Variants in GALNT12 observed in about 807,000 individuals in gnomAD.
GALNT12 encodes polypeptide N-acetylgalactosaminyltransferase 12, also known as UDP-GalNAc:polypeptide N-acetylgalactosaminyltransferase 12.
A neutral mutation model predicts 55.5 loss-of-function variants in GALNT12; 45 were observed. The observed-to-expected ratio is 0.81, with a 90% CI of 0.64 to 1.04. GALNT12 has a LOEUF of 1.04. Ranked by LOEUF, GALNT12 falls within the 50% of genes least tolerant of loss-of-function variation. GALNT12 has a pLI of 0.00. For missense variants in GALNT12, 709 were observed against 754.8 expected (o/e 0.94, Z 0.71); for synonymous variants, 304 against 312.2 (o/e 0.97, Z 0.28).
chr9:98,839,643 A>C (rs957617193), intron 6 of GALNT12, among the ~76,000 whole-genome samples: 1 of 152,146 alleles, frequency 6.6e-6, no homozygotes, highest in African/African-American at 2.4e-5. Context: ...TTTCAGGATG[A>C]CTTCTGATCA....
At chr9:98,808,810 A>G (rs534427002) in intron 1 of GALNT12, among the ~76,000 whole-genome samples, 19 of 152,338 alleles carry the variant, frequency 1.2e-4, no homozygotes, top group African/African-American at 4.6e-4. Flanking sequence ...AGCAGGAGGA[A>G]GGACAGGTGG....
intron 5 of GALNT12, among the ~76,000 whole-genome samples, chr9:98,835,673 A>G (rs1836124023): frequency 6.6e-6 from 1 of 151,964 alleles, no homozygotes; most frequent in Admixed American, 6.6e-5. Flanking sequence ...TACTTGATTA[A>G]TTCCTTATGA....
intron 1 of GALNT12, among the ~76,000 whole-genome samples, chr9:98,810,298 C>T (rs1369362765): frequency 1.3e-5 from 2 of 152,088 alleles, no homozygotes; most frequent in Non-Finnish European, 2.9e-5. Context: ...AGCATCTAGT[C>T]TAACCAGAGA....
intron 3 of GALNT12, among the ~76,000 whole-genome samples, chr9:98,828,158 C>T (rs1310248218): frequency 3.3e-5 from 5 of 152,156 alleles, no homozygotes; most frequent in South Asian, 2.1e-4. Flanking sequence ...ACTGCTTCCC[C>T]GCAGATGCCA....
chr9:98,845,357 C>G (rs1247590559), intron 8 of GALNT12, among the ~76,000 whole-genome samples: 1 of 152,140 alleles, frequency 6.6e-6, no homozygotes, highest in Non-Finnish European at 1.5e-5. Context: ...GCAGAAAATG[C>G]AGCTTCCTAG....
intron 7 of GALNT12, among the ~76,000 whole-genome samples, chr9:98,840,743 G>C (rs10819376): frequency 0.4 from 61,231 of 151,922 alleles, 12,686 homozygotes; most frequent in Non-Finnish European, 0.45. Flanking sequence ...CAAACATATA[G>C]AAATGCAGAG....
intron 1 of GALNT12, among the ~76,000 whole-genome samples, chr9:98,813,834 T>C (rs1238956130): frequency 6.6e-6 from 1 of 152,044 alleles, no homozygotes; most frequent in East Asian, 1.9e-4. Flanking sequence ...TTTATCAAGA[T>C]TTTTTGGGTG....
At chr9:98,814,148 AG>A (rs766458696) in intron 1 of GALNT12, among the ~76,000 whole-genome samples, 3 of 152,104 alleles carry the variant, frequency 2.0e-5, no homozygotes, top group Non-Finnish European at 4.4e-5. Context: ...TCCCAGGGGT[AG>A]GGGTGTGTGT....
In GALNT12 at chr9:98,844,118, A is replaced by C; in HGVS notation, c.1367A>C (p.Asp456Ala). The C allele has an allele frequency of 6.2e-7, 1 of 1,613,242 alleles. No individual in the cohort carries two copies. Among genetic ancestry groups the C allele is most frequent in the Non-Finnish European group, 8.5e-7 (1 of 1,179,178 alleles). ...TAGCTCCAGAACAAAGGACTAACAG[A>C]CTACTGCTTTGACTATAACCCTCCC... The part of the protein sequence containing the change: ...FGMLQNKGLT[D>A]YCFDYNPPDE... Residue 456 changes from aspartate to alanine, a missense_variant, in exon 8 of 10, where the codon GAC (aspartate) becomes GCC (alanine). Around this residue, in one of 5 missense-constraint regions of GALNT12, gnomAD observed 262 missense variants for 310.7 expected, o/e 0.84. Transcript: ENST00000375011.
chr9:98,839,623 C>T (rs1836238345), intron 6 of GALNT12, among the ~76,000 whole-genome samples: 1 of 152,126 alleles, frequency 6.6e-6, no homozygotes, highest in Non-Finnish European at 1.5e-5. Context: ...CTGACATTTC[C>T]CTGGTTGGGT....
At chr9:98,832,951 GTT>G (rs942480233) in intron 4 of GALNT12, among the ~76,000 whole-genome samples, 2 of 152,114 alleles carry the variant, frequency 1.3e-5, no homozygotes, top group Non-Finnish European at 2.9e-5. Flanking sequence ...TTGAGTCCCT[GTT>G]TTCCATTCTT....
chr9:98,839,855 A>G, intron 6 of GALNT12, 147 bp from the exon 7 acceptor site: 2 of 946,808 alleles, frequency 2.1e-6, no homozygotes, highest in South Asian at 2.6e-5. Context: ...GATGTTTTCT[A>G]TCCTCTGTGC....
intron 9 of GALNT12, among the ~76,000 whole-genome samples, chr9:98,846,755 G>A (rs1484568397): frequency 6.6e-6 from 1 of 151,654 alleles, no homozygotes; most frequent in Admixed American, 6.6e-5. Context: ...CTACTTGGGA[G>A]GCTGAAGCAG....
rs73652673 is a variant in GALNT12 at position 98,849,134 on chromosome 9, C to G, written c.*42C>G. The stretch of plus-strand genomic sequence containing the variant: ...GAGCCCATCGAAGGAGACTGTGGAG[C>G]CAGGACTCTGCCCAACAAAGACTTA... On this transcript the variant is annotated 3_prime_UTR_variant, in exon 10 of 10. Coordinates refer to ENST00000375011, the MANE Select transcript of GALNT12 (RefSeq NM_024642.5). The G allele has an allele frequency of 3.6e-4, 574 of 1,608,930 alleles. 3 individuals carry two copies. The African/African-American group carries it at 6.8e-3, about 19-fold the overall frequency.
intron 3 of GALNT12, among the ~76,000 whole-genome samples, chr9:98,828,781 C>G (rs1392131135): frequency 1.3e-5 from 2 of 152,116 alleles, no homozygotes; most frequent in East Asian, 3.9e-4. Context: ...AATGGGATAT[C>G]CATCCCTTCA....
chr9:98,845,497 G>A (rs1466318315), intron 8 of GALNT12, among the ~76,000 whole-genome samples: 1 of 152,150 alleles, frequency 6.6e-6, no homozygotes, highest in Non-Finnish European at 1.5e-5. Context: ...GAAGAACCAA[G>A]TCTTCCCGTT....
intron 9 of GALNT12, among the ~76,000 whole-genome samples, chr9:98,848,101 T>C (rs1175448218): frequency 6.6e-6 from 1 of 152,160 alleles, no homozygotes; most frequent in East Asian, 1.9e-4. Context: ...AGGCGTGAGC[T>C]ACTGTGCCCA....
chr9:98,843,752 G>C (rs1416379922), intron 7 of GALNT12, among the ~76,000 whole-genome samples: 1 of 152,142 alleles, frequency 6.6e-6, no homozygotes, highest in Non-Finnish European at 1.5e-5. Context: ...GATTTAGTTA[G>C]CTTAATTAAT....
rs11467276 is a variant in GALNT12 at position 98,821,624 on chromosome 9, C to CAA, written c.372-1620_372-1619dup. ...TGGGCAACAGAGCGAGACTCCATCT[C>CAA]AAAAAAAAAAAAAGAAAGAAATTTC... On this transcript the variant is annotated intron_variant, in intron 1 of 9. Coordinates refer to ENST00000375011, the MANE Select transcript of GALNT12 (RefSeq NM_024642.5). Among the ~76,000 whole-genome samples, 86 of 112,010 alleles carry CAA rather than the reference C, an allele frequency of 7.7e-4. 5 individuals carry two copies. The highest frequency in any genetic ancestry group is 1.1e-3 in the Admixed American group (11 of 9,950). The allele number at this position is 112,010 out of a possible 152,430, so 73.5% of individuals were successfully genotyped here.
Sources: gnomAD v4.1 joint callset for allele counts (sites outside exome capture counted in the v4.1 genomes callset) on GRCh38, gnomAD v4.1.1 for gene constraint, gnomAD v4.1.1 regional missense constraint, MANE v1.5 for transcripts, NCBI Gene and HGNC (gene_info 2026-07-23, HGNC 2026-07-21) for gene names.